Variants in ELP4 observed in about 807,000 individuals in gnomAD.
The protein encoded by ELP4 is elongator acetyltransferase complex subunit 4, also known as elongator complex protein 4.
ELP4 carries 51 observed loss-of-function variants against 48.9 expected under a neutral mutation model. The observed-to-expected ratio is 1.04, with a 90% CI of 0.83 to 1.32. The LOEUF (loss-of-function observed/expected upper bound fraction) is 1.32, where lower values mean the gene tolerates loss of function less well. Among genes scored for constraint, ELP4 ranks in the 40% most tolerant of loss-of-function variants. The probability of loss-of-function intolerance (pLI) is 0.00; values close to 1 mark genes in which losing one functional copy is unlikely to be tolerated. For synonymous variants in ELP4, 210 were observed against 189.2 expected (o/e 1.11, Z -0.90); for missense variants, 519 against 514.6 (o/e 1.01, Z -0.08).
At chr11:31,695,856 G>T (rs891978875) in intron 9 of ELP4, among the ~76,000 whole-genome samples, 1 of 148,436 alleles carries the variant, frequency 6.7e-6, no homozygotes, top group African/African-American at 2.5e-5. Flanking sequence ...CCTGTTATTT[G>T]TCTATTCAGG....
At chr11:31,645,706 T>A (rs1945184409) in intron 7 of ELP4, 1 of 151,736 alleles carries the variant, frequency 6.6e-6, no homozygotes, top group South Asian at 2.1e-4. Context: ...TTATAAATGC[T>A]TGTTCATCTG....
At chr11:31,574,836 CA>C (rs1273145135) in intron 3 of ELP4, among the ~76,000 whole-genome samples, 1 of 152,176 alleles carries the variant, frequency 6.6e-6, no homozygotes, top group Non-Finnish European at 1.5e-5. Context: ...CTGGAGAAAC[CA>C]GAGCAGAAAA....
chr11:31,661,990 T>C (rs1331731644), intron 9 of ELP4, among the ~76,000 whole-genome samples: 1 of 152,098 alleles, frequency 6.6e-6, no homozygotes, highest in African/African-American at 2.4e-5. Flanking sequence ...AATCATCCTA[T>C]TGACCTCTTT....
At chr11:31,779,247 A>C (rs1487402271) in intron 9 of ELP4, among the ~76,000 whole-genome samples, 1 of 152,218 alleles carries the variant, frequency 6.6e-6, no homozygotes, top group Non-Finnish European at 1.5e-5. Flanking sequence ...TGGTCTTGGC[A>C]AAATGTGAAA....
intron 9 of ELP4, among the ~76,000 whole-genome samples, chr11:31,739,766 C>T (rs1386219229): frequency 6.6e-6 from 1 of 152,260 alleles, no homozygotes; most frequent in East Asian, 1.9e-4. Context: ...ACACACTAAA[C>T]CTCCTCTCAA....
rs1948717273 is a variant in ELP4 at position 31,787,242 on chromosome 11, A to T, written c.*3718A>T. 4.3e-6 allele frequency: 1 copy of T among 232,816 alleles called. No individual in the cohort carries two copies. Among genetic ancestry groups the T allele is most frequent in the African/African-American group, 2.2e-5 (1 of 45,300 alleles). 14.4% of individuals were successfully genotyped at this position (232,816 alleles called of 1,614,324 possible). On this transcript the variant is annotated 3_prime_UTR_variant, in exon 10 of 10. Transcript: ENST00000640961. ...CTGAGCAGCCGCTTCTTCAGACTAT[A>T]CCAGACTGTGCTACTTTGCCCTGGC...
At chr11:31,613,660 T>TTTA (rs1958022905) in intron 5 of ELP4, among the ~76,000 whole-genome samples, 1 of 152,000 alleles carries the variant, frequency 6.6e-6, no homozygotes, top group African/African-American at 2.4e-5. Context: ...TAAGTTTTTT[T>TTTA]TTATTATTAT....
chr11:31,708,665 A>ATTCT (rs1262637856), intron 9 of ELP4, among the ~76,000 whole-genome samples: 1 of 152,136 alleles, frequency 6.6e-6, no homozygotes, highest in Non-Finnish European at 1.5e-5. Context: ...TTAAGAGAAG[A>ATTCT]TGCTGGTTTT....
chr11:31,623,390 T>TATATATATATAAATATATATATAA lies in ELP4; in HGVS notation c.654-3719_654-3718insTATATATATAAATATATATATAAA, dbSNP rs67986763. ...ATATATATATATATATATATATATA[T>TATATATATATAAATATATATATAA]AAAACTAGAAACATTGCTGGCAAAG... On this transcript the variant is annotated intron_variant, in intron 5 of 9. Transcript: ENST00000640961. Among the ~76,000 whole-genome samples the TATATATATATAAATATATATATAA allele has an allele frequency of 1.1e-3, 100 of 92,564 alleles. 1 individual carries two copies. The highest frequency in any genetic ancestry group is 3.5e-3 in the African/African-American group (97 of 27,926). The allele number at this position is 92,564 out of a possible 152,430, so 60.7% of individuals were successfully genotyped here. A position where few individuals can be genotyped will look rare whatever the true frequency, so the allele number is the denominator to read the frequency against.
chr11:31,568,472 G>A (rs753273356), intron 3 of ELP4, among the ~76,000 whole-genome samples: 1 of 151,512 alleles, frequency 6.6e-6, no homozygotes, highest in Non-Finnish European at 1.5e-5. Context: ...AGAGCCCAAA[G>A]CAATCCTAAG....
intron 9 of ELP4, among the ~76,000 whole-genome samples, chr11:31,710,300 T>C (rs1319310477): frequency 6.6e-6 from 1 of 152,050 alleles, no homozygotes; most frequent in Non-Finnish European, 1.5e-5. Context: ...ATTTTTGAGT[T>C]GAGATTGAAG....
chr11:31,544,082 G>A (rs1459297592), intron 3 of ELP4, among the ~76,000 whole-genome samples: 1 of 152,210 alleles, frequency 6.6e-6, no homozygotes, highest in Admixed American at 6.5e-5. Context: ...CGCAGAAGAC[G>A]GGTGATTTCT....
chr11:31,633,932 A>G (rs1944919227), intron 7 of ELP4: 1 of 152,050 alleles, frequency 6.6e-6, no homozygotes, highest in African/African-American at 2.4e-5. Context: ...GTAGCAGGCC[A>G]GTGTTCTTCC....
At chr11:31,722,725 CTT>C (rs1265248005) in intron 9 of ELP4, among the ~76,000 whole-genome samples, 11 of 151,678 alleles carry the variant, frequency 7.3e-5, no homozygotes, top group African/African-American at 2.7e-4. Flanking sequence ...CTCTCTCTCT[CTT>C]TCTCTCTCCC....
At chr11:31,661,475 T>C (rs145645020) in intron 9 of ELP4, among the ~76,000 whole-genome samples, 1 of 152,182 alleles carries the variant, frequency 6.6e-6, no homozygotes, top group East Asian at 1.9e-4. Context: ...TGCATTTCTT[T>C]TATAAAGTAT....
rs1944762039 is a variant in ELP4 at position 31,627,170 on chromosome 11, A to C, written c.714A>C (p.Glu238Asp). 6.3e-7 allele frequency: 1 copy of C among 1,580,704 alleles called. No individual in the cohort carries two copies. Among genetic ancestry groups the C allele is most frequent in the Non-Finnish European group, 8.6e-7 (1 of 1,159,676 alleles). The change falls in exon 6 of 10, where the codon GAA becomes GAC. Residue 238 changes from glutamate to aspartate, a missense_variant. Glu to Asp is a conservative substitution (Grantham distance 45). Transcript: ENST00000640961. ...LQFIQNIIYE[E>D]GFDGSNPQKK... ...TTATCCAGAACATCATTTATGAGGA[A>C]GGATTTGATGGATCCAATCCTCAGG... is the stretch of plus-strand genomic sequence containing the variant.
intron 9 of ELP4, chr11:31,763,264 A>G: frequency 1.8e-6 from 1 of 557,352 alleles, no homozygotes. Context: ...TGTTGCAAAT[A>G]TTTAGGATAG....
At chr11:31,619,457 T>G (rs937108186) in intron 5 of ELP4, among the ~76,000 whole-genome samples, 6 of 151,992 alleles carry the variant, frequency 3.9e-5, no homozygotes, top group African/African-American at 9.7e-5. Context: ...GCTGTGAAGT[T>G]CCAAGATAAG....
At chr11:31,641,123 T>G (rs1272570236) in intron 7 of ELP4, among the ~76,000 whole-genome samples, 20 of 152,010 alleles carry the variant, frequency 1.3e-4, no homozygotes, top group Admixed American at 1.3e-3. Flanking sequence ...TGTGTCAACA[T>G]TAGTTCTTAA....
Sources: allele counts gnomAD v4.1 joint callset (sites outside exome capture counted in the v4.1 genomes callset), GRCh38; gene constraint gnomAD v4.1.1; transcripts MANE v1.5; gene names NCBI Gene and HGNC (gene_info 2026-07-23, HGNC 2026-07-21).